Variants in HMCN1 observed in about 807,000 individuals in gnomAD.
HMCN1 encodes the protein hemicentin 1.
A neutral mutation model predicts 625.9 loss-of-function variants in HMCN1; 321 were observed. The ratio of observed to expected loss-of-function variants is 0.51; its 90% CI spans 0.47 to 0.56. HMCN1 has a LOEUF of 0.56. Ranked by LOEUF, HMCN1 falls within the 20% of genes least tolerant of loss-of-function variation. The probability of loss-of-function intolerance (pLI) is 0.00; values close to 1 mark genes in which losing one functional copy is unlikely to be tolerated. For missense variants in HMCN1, 6,588 were observed against 6,887.3 expected (o/e 0.96, Z 1.54); for synonymous variants, 2,425 against 2,417.6 (o/e 1.00, Z -0.09).
Position 186,074,888 on chromosome 1 carries a change from C to A in HMCN1, c.8287C>A (p.Gln2763Lys). 1 of 1,605,634 alleles carries A rather than the reference C, an allele frequency of 6.2e-7. No homozygotes were observed. The highest frequency in any genetic ancestry group is 1.1e-5 in the South Asian group (1 of 90,880). The change falls in exon 53 of 107, where the codon CAA becomes AAA. Residue 2763 changes from glutamine to lysine, a missense_variant. Physicochemically the swap from Gln to Lys is moderately conservative, Grantham distance 53. This residue lies in a region of HMCN1 where 4,628 missense variants were observed against 4,853.1 expected (regional missense o/e 0.95). Coordinates refer to ENST00000271588, the MANE Select transcript of HMCN1 (RefSeq NM_031935.3). The stretch of plus-strand genomic sequence containing the variant: ...TGAGTTGGATTTTGATGTGAATATT[C>A]AAGGTAATACTAATTGCTTATTGTA... ...EDELDFDVNIQVPPSFQKLWE... is the reference protein window; with the variant it reads ...EDELDFDVNIKVPPSFQKLWE...
intron 30 of HMCN1, among the ~76,000 whole-genome samples, chr1:186,011,393 T>G (rs994601655): frequency 6.6e-6 from 1 of 152,236 alleles, no homozygotes; most frequent in East Asian, 1.9e-4. Context: ...TGAAAATGTT[T>G]CTTCATACAG....
At chr1:186,146,193 G>A (rs924085274) in intron 93 of HMCN1, among the ~76,000 whole-genome samples, 4 of 152,162 alleles carry the variant, frequency 2.6e-5, no homozygotes, top group African/African-American at 9.7e-5. Context: ...AAAATGGGCT[G>A]AGACTCCAGA....
At chr1:186,107,720 C>A (rs1660676251) in intron 70 of HMCN1, among the ~76,000 whole-genome samples, 1 of 151,980 alleles carries the variant, frequency 6.6e-6, no homozygotes, top group Non-Finnish European at 1.5e-5. Flanking sequence ...TTAGCCCATT[C>A]CCTTTATTTT....
At chr1:186,138,129 G>A (rs1258912428) in intron 89 of HMCN1, among the ~76,000 whole-genome samples, 157 bp downstream of exon 89, 2 of 152,016 alleles carry the variant, frequency 1.3e-5, no homozygotes, top group Admixed American at 1.3e-4. Context: ...TCTCTTTCAT[G>A]GATAAACTTG....
rs757758231 is a variant in HMCN1, at chr1:186,153,966, A to G, written c.15235A>G (p.Ile5079Val). Reference protein sequence around the residue: ...NQIEETLGFKIHASISKGDRS... With the variant: ...NQIEETLGFKVHASISKGDRS... ...GATAGAAGAGACACTGGGTTTTAAA[A>G]TTCATGCTTCAATATCCAAAGGTAA... Residue 5079 changes from isoleucine to valine, a missense_variant, in exon 97 of 107, where the codon ATT becomes GTT. By Grantham distance (29) the Ile-to-Val change is conservative. Transcript: ENST00000271588. 9.3e-6 allele frequency: 15 copies of G among 1,613,238 alleles called. No homozygotes were observed. The highest frequency in any genetic ancestry group is 1.3e-5 in the Non-Finnish European group (15 of 1,179,186).
chr1:186,035,313 C>A (rs1016828158), intron 36 of HMCN1, among the ~76,000 whole-genome samples: 2 of 152,004 alleles, frequency 1.3e-5, no homozygotes, highest in Non-Finnish European at 2.9e-5. Context: ...AGGAACAACT[C>A]CCAGGACAAA....
chr1:186,121,670 T>G (rs1354658454), intron 80 of HMCN1, among the ~76,000 whole-genome samples: 1 of 152,118 alleles, frequency 6.6e-6, no homozygotes, highest in Admixed American at 6.6e-5. Context: ...CTAGTGGAGA[T>G]GTCAAGTAGA....
At chr1:185,907,405 T>C (rs1404130982) in intron 4 of HMCN1, among the ~76,000 whole-genome samples, 1 of 151,908 alleles carries the variant, frequency 6.6e-6, no homozygotes, top group Non-Finnish European at 1.5e-5. Context: ...CATTGGGATC[T>C]CTAGGATGAA....
chr1:186,089,274 G>T (rs368769241), intron 63 of HMCN1, among the ~76,000 whole-genome samples: 1 of 151,918 alleles, frequency 6.6e-6, no homozygotes, highest in East Asian at 1.9e-4. Context: ...GGGACAACTT[G>T]TTTTCTTTTG....
chr1:185,937,620 G>T (rs1357466786), intron 11 of HMCN1, among the ~76,000 whole-genome samples: 3 of 152,060 alleles, frequency 2.0e-5, no homozygotes, highest in African/African-American at 4.8e-5. Flanking sequence ...AGTGGCTCAC[G>T]CCTGTAATCC....
chr1:185,907,172 T>C (rs879285490), intron 4 of HMCN1, among the ~76,000 whole-genome samples: 1 of 151,980 alleles, frequency 6.6e-6, no homozygotes, highest in Admixed American at 6.6e-5. Context: ...TTTTCAAAAA[T>C]GGCATCTGCT....
At chr1:186,080,990 C>G (rs1659136668) in intron 55 of HMCN1, among the ~76,000 whole-genome samples, 1 of 152,084 alleles carries the variant, frequency 6.6e-6, no homozygotes, top group Admixed American at 6.5e-5. Flanking sequence ...ATTAGTCTAG[C>G]ATAAGTGAAG....
chr1:185,800,107 C>G (rs1658692440), intron 1 of HMCN1, among the ~76,000 whole-genome samples: 1 of 152,214 alleles, frequency 6.6e-6, no homozygotes, highest in African/African-American at 2.4e-5. Flanking sequence ...AGGGGCGGCC[C>G]AGGCTCCACA....
chr1:185,950,558 T>C (rs1455202866), intron 11 of HMCN1, among the ~76,000 whole-genome samples: 3 of 151,786 alleles, frequency 2.0e-5, no homozygotes, highest in Non-Finnish European at 2.9e-5. Context: ...CGGACACAAT[T>C]GGCAGGGAGA....
At chr1:185,872,891 A>C (rs1404841377) in intron 4 of HMCN1, among the ~76,000 whole-genome samples, 1 of 152,186 alleles carries the variant, frequency 6.6e-6, no homozygotes, top group Non-Finnish European at 1.5e-5. Context: ...CCATAAGACA[A>C]TCATGGCATC....
At chr1:185,841,583 T>C (rs1002208566) in intron 1 of HMCN1, among the ~76,000 whole-genome samples, 1 of 152,212 alleles carries the variant, frequency 6.6e-6, no homozygotes, top group African/African-American at 2.4e-5. Flanking sequence ...TCCTCCTATA[T>C]TCAAACACTT....
At chr1:185,911,603 A>C (rs1666423742) in intron 5 of HMCN1, 71 bp from the exon 6 acceptor site, 4 of 1,066,404 alleles carry the variant, frequency 3.8e-6, no homozygotes, top group Non-Finnish European at 5.9e-6. Context: ...AGTTTTATGT[A>C]GTGTTAAATT....
At chr1:185,848,545 C>T (rs1019399570) in intron 2 of HMCN1, among the ~76,000 whole-genome samples, 1 of 151,968 alleles carries the variant, frequency 6.6e-6, no homozygotes, top group African/African-American at 2.4e-5. Context: ...TCATCCATAC[C>T]ATGTAAATAT....
chr1:185,791,477 T>C (rs891473127), intron 1 of HMCN1, among the ~76,000 whole-genome samples: 3 of 151,992 alleles, frequency 2.0e-5, no homozygotes. Flanking sequence ...CCCAGCTCTT[T>C]GGGAGGACGA....
Sources: allele counts gnomAD v4.1 joint callset (sites outside exome capture counted in the v4.1 genomes callset), GRCh38; gene constraint gnomAD v4.1.1; regional missense constraint gnomAD v4.1.1; transcripts MANE v1.5; gene names NCBI Gene and HGNC (gene_info 2026-07-23, HGNC 2026-07-21).